Variants in NRG1 observed in about 807,000 individuals in gnomAD.
NRG1 encodes neuregulin 1.
NRG1 carries 18 observed loss-of-function variants against 63.8 expected under a neutral mutation model. The ratio of observed to expected loss-of-function variants is 0.28; its 90% CI spans 0.19 to 0.42. The LOEUF is 0.42. Among genes scored for constraint, NRG1 ranks in the 10% least tolerant of loss-of-function variants. The pLI is 1.00. For missense variants in NRG1, 762 were observed against 814.7 expected (o/e 0.94, Z 0.79); for synonymous variants, 302 against 301.3 (o/e 1.00, Z -0.02).
chr8:32,762,439 T>C (rs1830896369), intron 11 of NRG1, among the ~76,000 whole-genome samples: 1 of 152,170 alleles, frequency 6.6e-6, no homozygotes, highest in Non-Finnish European at 1.5e-5. Flanking sequence ...ATGAATCACT[T>C]TTATATGTTG....
chr8:32,257,741 C>A (rs746930168), intron 1 of NRG1, among the ~76,000 whole-genome samples: 1 of 152,114 alleles, frequency 6.6e-6, no homozygotes, highest in African/African-American at 2.4e-5. Flanking sequence ...AGGGGCAGGG[C>A]GACCCACTTC....
intron 1 of NRG1, among the ~76,000 whole-genome samples, chr8:31,984,838 T>C (rs1809775467): frequency 1.3e-5 from 2 of 152,278 alleles, no homozygotes; most frequent in South Asian, 4.1e-4. Flanking sequence ...AAGCACATCA[T>C]ATGTTTATTT....
At chr8:32,076,574 G>A (rs900529080) in intron 1 of NRG1, among the ~76,000 whole-genome samples, 8 of 152,084 alleles carry the variant, frequency 5.3e-5, no homozygotes, top group Non-Finnish European at 2.9e-5. Flanking sequence ...ATCGGAGGGT[G>A]GAAAGTGGGT....
At chr8:32,118,139 G>A (rs1832971747) in intron 1 of NRG1, among the ~76,000 whole-genome samples, 1 of 152,004 alleles carries the variant, frequency 6.6e-6, no homozygotes, top group Admixed American at 6.6e-5. Flanking sequence ...TGGTTTGTTA[G>A]ACTCCTCCAA....
intron 1 of NRG1, among the ~76,000 whole-genome samples, chr8:32,052,121 T>TC (rs1345803969): frequency 7.9e-5 from 12 of 151,904 alleles, no homozygotes; most frequent in African/African-American, 2.7e-4. Flanking sequence ...GATAGCAGAG[T>TC]CAGTAGTAAG....
At chr8:32,763,169 C>CT in intron 11 of NRG1, 1 of 1,578,898 alleles carries the variant, frequency 6.3e-7, no homozygotes, top group Non-Finnish European at 8.7e-7. Context: ...ATGTATGACA[C>CT]TGTTGTCAGG....
intron 1 of NRG1, among the ~76,000 whole-genome samples, chr8:32,561,351 C>G (rs1226338398): frequency 6.6e-6 from 1 of 152,154 alleles, no homozygotes; most frequent in Non-Finnish European, 1.5e-5. Flanking sequence ...ATCTTTATAT[C>G]TTTTTGTTCC....
At chr8:31,988,095 C>G (rs1000979850) in intron 1 of NRG1, among the ~76,000 whole-genome samples, 6 of 152,104 alleles carry the variant, frequency 3.9e-5, no homozygotes, top group African/African-American at 1.2e-4. Context: ...CGCACTCACA[C>G]CCTTTTGTCC....
intron 1 of NRG1, among the ~76,000 whole-genome samples, chr8:32,143,242 T>TG (rs1376011944): frequency 3.6e-3 from 544 of 151,434 alleles, no homozygotes; most frequent in Non-Finnish European, 5.9e-3. Context: ...GGCTTTTTTT[T>TG]TGGGGGGGGA....
chr8:32,754,394 G>A lies in NRG1; in HGVS notation c.714G>A (p.Lys238=), dbSNP rs2129052557. 5.6e-6 allele frequency: 9 copies of A among 1,613,838 alleles called. No homozygotes were observed. The East Asian group carries it at 8.9e-5, about 16-fold the overall frequency. The stretch of plus-strand genomic sequence containing the variant: ...CAGAGGCGGAGGAGCTGTACCAGAA[G>A]AGAGTGCTGACCATAACCGGCATCT... Residue 238 remains lysine, a synonymous_variant, in exon 8 of 12, where the codon AAG becomes AAA. Transcript: ENST00000356819.
At chr8:32,365,367 T>C (rs948435858) in intron 1 of NRG1, among the ~76,000 whole-genome samples, 1 of 151,864 alleles carries the variant, frequency 6.6e-6, no homozygotes, top group Non-Finnish European at 1.5e-5. Context: ...TTTATTTGGC[T>C]TTTTTTTGGA....
chr8:32,187,843 A>G (rs1239792055), intron 1 of NRG1, among the ~76,000 whole-genome samples: 1 of 152,216 alleles, frequency 6.6e-6, no homozygotes, highest in Non-Finnish European at 1.5e-5. Flanking sequence ...CTTGTTTTTA[A>G]ATCTCTAAAG....
intron 1 of NRG1, among the ~76,000 whole-genome samples, chr8:31,672,334 AT>A (rs1807241385): frequency 6.6e-6 from 1 of 152,284 alleles, no homozygotes; most frequent in East Asian, 1.9e-4. Context: ...GAGTTCTGAT[AT>A]TGGCAGGCAT....
intron 5 of NRG1, among the ~76,000 whole-genome samples, chr8:32,665,332 T>C (rs1160776183): frequency 1.3e-5 from 2 of 152,160 alleles, no homozygotes; most frequent in African/African-American, 4.8e-5. Flanking sequence ...AATTGTACAA[T>C]TATTACAAAA....
intron 1 of NRG1, among the ~76,000 whole-genome samples, chr8:32,430,392 G>T (rs2129486700): frequency 6.6e-6 from 1 of 152,278 alleles, no homozygotes; most frequent in East Asian, 1.9e-4. Context: ...CATGTGTTTT[G>T]CTTTTTCCTA....
chr8:32,453,636 T>C (rs1314827759), intron 1 of NRG1, among the ~76,000 whole-genome samples: 2 of 152,216 alleles, frequency 1.3e-5, no homozygotes, highest in African/African-American at 2.4e-5. Flanking sequence ...CTCAGAGGCT[T>C]TTCTGCAGTA....
chr8:32,071,709 C>T (rs1825780532), intron 1 of NRG1, among the ~76,000 whole-genome samples: 1 of 152,142 alleles, frequency 6.6e-6, no homozygotes, highest in African/African-American at 2.4e-5. Flanking sequence ...AAAGAATTCT[C>T]AAGCAGGTGC....
At chr8:32,368,411 T>G (rs1808370768) in intron 1 of NRG1, among the ~76,000 whole-genome samples, 1 of 152,030 alleles carries the variant, frequency 6.6e-6, no homozygotes, top group South Asian at 2.1e-4. Context: ...TCTAAATTTT[T>G]TTTTTTAATT....
At chr8:31,937,803 GGGAATACAACTTCATTAGACTGGGAA>G (rs1801153958) in intron 1 of NRG1, among the ~76,000 whole-genome samples, 2 of 152,014 alleles carry the variant, frequency 1.3e-5, no homozygotes, top group Admixed American at 1.3e-4. Flanking sequence ...TAATCCCCCT[GGGAATACAACTTCATTAGACTGGGAA>G]CCACATCCCC....
Sources: gnomAD v4.1 joint callset for allele counts (sites outside exome capture counted in the v4.1 genomes callset) on GRCh38, gnomAD v4.1.1 for gene constraint, MANE v1.5 for transcripts, NCBI Gene and HGNC (gene_info 2026-07-23, HGNC 2026-07-21) for gene names.